SPECC1: variants seen among roughly 807,000 people sequenced by gnomAD.
SPECC1 encodes the protein cytospin-B.
Under a neutral mutation model 104.1 loss-of-function variants are expected in SPECC1, and 62 were observed. The observed-to-expected ratio is 0.60, with a 90% CI of 0.49 to 0.74. The LOEUF is 0.74. SPECC1 is among the 30% of genes least tolerant of loss of function. The pLI, the probability that SPECC1 is intolerant of heterozygous loss-of-function variation, is 0.00. For synonymous variants in SPECC1, 513 were observed against 501.6 expected (o/e 1.02, Z -0.30); for missense variants, 1,306 against 1,310.5 (o/e 1.00, Z 0.05).
chr17:20,053,020 A>G lies in SPECC1; in HGVS notation c.-22+43596A>G, dbSNP rs781401938. ...AAGAAGTGTCCCTCTCTTGGCCCCA[A>G]GTCAATGGGTAAGGGATTCTGCCAA... On this transcript the variant is annotated intron_variant, in intron 1 of 14. Coordinates refer to ENST00000395527, the MANE Select transcript of SPECC1 (RefSeq NM_001243439.2). Among the ~76,000 whole-genome samples, 8 of 152,300 alleles carry G rather than the reference A, an allele frequency of 5.3e-5. No individual in the cohort carries two copies. The East Asian group carries it at 1.5e-3, about 29-fold the overall frequency.
intron 3 of SPECC1, among the ~76,000 whole-genome samples, chr17:20,173,064 G>A (rs1007745770): frequency 6.6e-6 from 1 of 152,162 alleles, no homozygotes; most frequent in East Asian, 1.9e-4. Context: ...TCTGTTGTAC[G>A]CTCTAGTGAG....
chr17:20,274,054 C>A (rs917414406), intron 12 of SPECC1, among the ~76,000 whole-genome samples: 4 of 152,108 alleles, frequency 2.6e-5, no homozygotes, highest in African/African-American at 9.7e-5. Context: ...TTCCAAGTAC[C>A]CTTTACATAT....
intron 1 of SPECC1, chr17:20,017,447 A>G (rs1446868513): frequency 6.5e-6 from 1 of 153,406 alleles, no homozygotes; most frequent in Non-Finnish European, 1.4e-5. Context: ...ACATCCAAAC[A>G]TCAGAAGGAA....
chr17:20,086,451 T>C (rs1215682445), intron 1 of SPECC1, among the ~76,000 whole-genome samples: 1 of 152,214 alleles, frequency 6.6e-6, no homozygotes, highest in African/African-American at 2.4e-5. Flanking sequence ...GTTGAGACCC[T>C]GCTGCTCATG....
chr17:20,076,116 T>TA (rs1372365103), intron 1 of SPECC1, among the ~76,000 whole-genome samples: 1 of 152,180 alleles, frequency 6.6e-6, no homozygotes, highest in African/African-American at 2.4e-5. Context: ...GACCCTGTTC[T>TA]AAAAAAATTA....
chr17:20,291,300 G>A (rs2041155340), intron 12 of SPECC1, among the ~76,000 whole-genome samples: 1 of 152,226 alleles, frequency 6.6e-6, no homozygotes, highest in African/African-American at 2.4e-5. Flanking sequence ...CATGAATTGA[G>A]CAAGCTGCAG....
At chr17:20,069,845 TTAAACA>T (rs1344342604) in intron 1 of SPECC1, among the ~76,000 whole-genome samples, 3 of 152,064 alleles carry the variant, frequency 2.0e-5, no homozygotes, top group Non-Finnish European at 4.4e-5. Context: ...TATTTTATAG[TTAAACA>T]TAAATATTTT....
At chr17:20,060,137 C>CT (rs928499814) in intron 1 of SPECC1, among the ~76,000 whole-genome samples, 34 of 151,024 alleles carry the variant, frequency 2.3e-4, no homozygotes, top group Admixed American at 3.3e-4. Flanking sequence ...GTGTTTGTAC[C>CT]TTTTTTTTTG....
chr17:20,095,802 C>T lies in SPECC1; in HGVS notation c.-21-829C>T, dbSNP rs150245501. 932 of 152,828 alleles carry T rather than the reference C, an allele frequency of 6.1e-3. 3 individuals are homozygous for T. Among genetic ancestry groups the T allele is most frequent in the Middle Eastern group, 0.014 (4 of 296 alleles). 9.5% of individuals were successfully genotyped at this position (152,828 alleles called of 1,614,324 possible). Reference sequence around the variant, plus strand: ...ATGGGTTTGGTGCCCTGTGTCACACCCTGAGTCCATGGGGACAGGCGGAGT... The same window carrying T: ...ATGGGTTTGGTGCCCTGTGTCACACTCTGAGTCCATGGGGACAGGCGGAGT... On this transcript the variant is annotated intron_variant, in intron 1 of 14. Coordinates refer to ENST00000395527, the MANE Select transcript of SPECC1 (RefSeq NM_001243439.2).
intron 1 of SPECC1, among the ~76,000 whole-genome samples, chr17:20,039,930 C>G (rs555758042): frequency 6.6e-6 from 1 of 152,238 alleles, no homozygotes; most frequent in Non-Finnish European, 1.5e-5. Context: ...ATAATTAGAT[C>G]ATTTACATTT....
At chr17:20,050,504 G>C (rs2045700414) in intron 1 of SPECC1, among the ~76,000 whole-genome samples, 2 of 152,164 alleles carry the variant, frequency 1.3e-5, no homozygotes, top group African/African-American at 4.8e-5. Context: ...AAATCATTTT[G>C]GAGAGAAGTC....
rs563694985 is a variant in SPECC1, at chr17:20,056,904, A to G, written c.-21-39727A>G. Among the ~76,000 whole-genome samples, 132 of 152,346 alleles carry G rather than the reference A, an allele frequency of 8.7e-4. 1 individual carries two copies. The highest frequency in any genetic ancestry group is 1.6e-3 in the Non-Finnish European group (109 of 68,036). The stretch of plus-strand genomic sequence containing the variant: ...TTGTTGGTGATCTTTGATAGTATCT[A>G]TAGCCCAGGACAAATTTCCAGAGCC... On this transcript the variant is annotated intron_variant, in intron 1 of 14. Coordinates refer to ENST00000395527, the MANE Select transcript of SPECC1 (RefSeq NM_001243439.2).
chr17:20,318,466 G>A lies in SPECC1; in HGVS notation c.*4401G>A, dbSNP rs2042066822. On this transcript the variant is annotated 3_prime_UTR_variant, in exon 15 of 15. Transcript: ENST00000395527. ...TAGATAAAAACACACATCCCCAGGG[G>A]ACAAGCCATCCAGCGGTGAGGAATC... is the stretch of plus-strand genomic sequence containing the variant. 4.3e-6 allele frequency: 1 copy of A among 231,806 alleles called. No homozygotes were observed. Among genetic ancestry groups the A allele is most frequent in the East Asian group, 6.1e-5 (1 of 16,400 alleles). 14.4% of individuals were successfully genotyped at this position (231,806 alleles called of 1,614,324 possible).
At chr17:20,298,948 A>AGAGAGACTGTGTGTGTGTGTGTGTGTGT in intron 13 of SPECC1, among the ~76,000 whole-genome samples, 1 of 49,072 alleles carries the variant, frequency 2.0e-5, no homozygotes, top group Admixed American at 2.1e-4. Context: ...AGAGAGAGAG[A>AGAGAGACTGTGTGTGTGTGTGTGTGTGT]GTGTGTGTGT....
intron 4 of SPECC1, among the ~76,000 whole-genome samples, chr17:20,217,075 G>A (rs1050788748): frequency 6.6e-6 from 1 of 152,236 alleles, no homozygotes; most frequent in East Asian, 1.9e-4. Context: ...TGGATCCCCT[G>A]CAGTCGTGGA....
intron 4 of SPECC1, among the ~76,000 whole-genome samples, chr17:20,210,008 C>T (rs2037031292): frequency 6.6e-6 from 1 of 152,094 alleles, no homozygotes; most frequent in Non-Finnish European, 1.5e-5. Context: ...TAAATAACCC[C>T]TTGGCATGAA....
chr17:20,184,684 T>G (rs1402186519), intron 3 of SPECC1, among the ~76,000 whole-genome samples: 1 of 152,228 alleles, frequency 6.6e-6, no homozygotes, highest in African/African-American at 2.4e-5. Context: ...TCAGTATATG[T>G]AAAGTATTTG....
intron 3 of SPECC1, among the ~76,000 whole-genome samples, chr17:20,126,893 G>A (rs1457403267): frequency 1.3e-5 from 2 of 152,176 alleles, no homozygotes; most frequent in African/African-American, 4.8e-5. Context: ...TGCCTTCTAG[G>A]CATGCTGTTA....
intron 4 of SPECC1, among the ~76,000 whole-genome samples, chr17:20,209,315 A>C (rs2036983891): frequency 6.6e-6 from 1 of 152,170 alleles, no homozygotes; most frequent in Admixed American, 6.5e-5. Flanking sequence ...AATATTATTA[A>C]AAAGGATACA....
Sources: gnomAD v4.1 joint callset for allele counts (sites outside exome capture counted in the v4.1 genomes callset) on GRCh38, gnomAD v4.1.1 for gene constraint, MANE v1.5 for transcripts, NCBI Gene and HGNC (gene_info 2026-07-23, HGNC 2026-07-21) for gene names.